The following CELF1 variants were observed in gnomAD, a reference collection of about 807,000 sequenced individuals.
CELF1 encodes 50 kDa nuclear polyadenylated RNA-binding protein.
Under a neutral mutation model 61.8 loss-of-function variants are expected in CELF1, and 10 were observed. The ratio of observed to expected loss-of-function variants is 0.16; its 90% CI spans 0.10 to 0.27. CELF1 has a LOEUF of 0.27. CELF1 is among the 10% of genes least tolerant of loss of function. The pLI is 1.00. For synonymous variants in CELF1, 236 were observed against 225.1 expected (o/e 1.05, Z -0.43); for missense variants, 380 against 639.1 (o/e 0.59, Z 4.37).
chr11:47,552,512 G>A (rs116929680), intron 1 of CELF1, among the ~76,000 whole-genome samples: 2,519 of 152,330 alleles, frequency 0.017, 36 homozygotes, highest in Middle Eastern at 0.034. Context: ...CTCGAGGCTC[G>A]GGAAAAGCGC....
chr11:47,495,867 A>AT, intron 3 of CELF1: 1 of 458,444 alleles, frequency 2.2e-6, no homozygotes, highest in Non-Finnish European at 2.9e-6. Flanking sequence ...ACCTTTCATT[A>AT]TTTTTTCACT....
At chr11:47,475,033 T>C (rs557524536) in intron 13 of CELF1, among the ~76,000 whole-genome samples, 5 of 152,278 alleles carry the variant, frequency 3.3e-5, no homozygotes, top group East Asian at 3.9e-4. Flanking sequence ...AGAGAAGACC[T>C]CCTAACAGAA....
intron 1 of CELF1, among the ~76,000 whole-genome samples, chr11:47,537,269 A>T (rs1295908312): frequency 1.6e-5 from 2 of 126,252 alleles, no homozygotes; most frequent in Non-Finnish European, 3.2e-5. Flanking sequence ...TTTTTTTGGG[A>T]CAGAGTCTCA....
chr11:47,531,017 C>A (rs1024716061), intron 1 of CELF1, among the ~76,000 whole-genome samples: 5 of 151,752 alleles, frequency 3.3e-5, no homozygotes, highest in Admixed American at 6.6e-5. Flanking sequence ...GAGGCCGAGG[C>A]GGATGGATTC....
At chr11:47,493,575 G>T (rs1020600937) in intron 3 of CELF1, among the ~76,000 whole-genome samples, 14 of 151,198 alleles carry the variant, frequency 9.3e-5, no homozygotes, top group Admixed American at 6.6e-4. Context: ...AGGACCAGGG[G>T]CAATCTTCAA....
At chr11:47,484,662 T>C (rs1437014136) in intron 6 of CELF1, 139 bp from the exon 7 acceptor site, 4 of 687,984 alleles carry the variant, frequency 5.8e-6, no homozygotes, top group Non-Finnish European at 7.1e-6. Flanking sequence ...CATTTGTTTT[T>C]TGTATTTTTC....
intron 3 of CELF1, among the ~76,000 whole-genome samples, chr11:47,490,154 G>A (rs567365349): frequency 6.6e-6 from 1 of 151,550 alleles, no homozygotes; most frequent in South Asian, 2.1e-4. Context: ...GGCCAGGCTA[G>A]TCTCGAACTG....
intron 3 of CELF1, 140 bp from the exon 4 acceptor site, chr11:47,489,164 AC>A: frequency 1.3e-6 from 1 of 742,736 alleles, no homozygotes; most frequent in Non-Finnish European, 2.0e-6. Context: ...CATTCAGTTT[AC>A]CAGAGTTCCC....
intron 6 of CELF1, among the ~76,000 whole-genome samples, chr11:47,485,213 C>A (rs918734873): frequency 6.6e-6 from 1 of 152,170 alleles, no homozygotes; most frequent in African/African-American, 2.4e-5. Flanking sequence ...ACAAGAGTCT[C>A]GCTGTCACCC....
chr11:47,472,364 G>A lies in CELF1; in HGVS notation c.1418-7C>T, dbSNP rs1250502093. ...TTGTCGTAACTTACAAAACCTGTGT[G>A]TCCAAGCAGAAACCTAGGTGAGGGA... On this transcript the variant is annotated splice_region_variant and splice_polypyrimidine_tract_variant and intron_variant, in intron 14 of 14. Coordinates refer to ENST00000687097, the MANE Select transcript of CELF1 (RefSeq NM_001376376.1). 1 of 1,613,022 alleles carries A rather than the reference G, an allele frequency of 6.2e-7. No homozygotes were observed. Among genetic ancestry groups the A allele is most frequent in the Admixed American group, 1.7e-5 (1 of 59,996 alleles).
intron 1 of CELF1, among the ~76,000 whole-genome samples, chr11:47,546,252 T>TGGGCGG (rs2096943735): frequency 7.3e-6 from 1 of 137,778 alleles, no homozygotes; most frequent in Non-Finnish European, 1.6e-5. Flanking sequence ...TTTTTTTTTT[T>TGGGCGG]TGGGCGGGGG....
Position 47,519,608 on chromosome 11 carries a change from A to G in CELF1, c.-153-18676T>C, listed in dbSNP as rs575033946. On this transcript the variant is annotated intron_variant, in intron 1 of 14. Transcript: ENST00000687097. ...TCGCCGGGCGTGGTGGCTCACGCCT[A>G]TAATCCCAGCACTTGCACTTTGGGA... Among the ~76,000 whole-genome samples the G allele has an allele frequency of 5.6e-4, 86 of 152,216 alleles. 1 individual carries two copies. The South Asian group carries it at 0.013, about 24-fold the overall frequency.
At position 47,470,524 on chromosome 11, in the gene CELF1, C is replaced by G. The variant is rs1411232897; in HGVS notation, c.*1706G>C. On this transcript the variant is annotated 3_prime_UTR_variant, in exon 15 of 15. Coordinates refer to ENST00000687097, the MANE Select transcript of CELF1 (RefSeq NM_001376376.1). ...TATGAGAAAGGAACAGCTGTCCCAG[C>G]TTCAATGGGATAATCCAACACCACC... 6.6e-6 allele frequency: 1 copy of G among 152,138 alleles called. No individual in the cohort carries two copies. The highest frequency in any genetic ancestry group is 2.4e-5 in the African/African-American group (1 of 41,428). The allele number at this position is 152,138 out of a possible 1,614,324, so 9.4% of individuals were successfully genotyped here. A position where few individuals can be genotyped will look rare whatever the true frequency, so the allele number is the denominator to read the frequency against.
intron 1 of CELF1, among the ~76,000 whole-genome samples, chr11:47,533,808 C>A (rs7126302): frequency 0.8 from 71,623 of 89,958 alleles, 27,305 homozygotes; most frequent in East Asian, 0.93. Context: ...AGACTCTCCC[C>A]CAAAAAAAAA....
rs1321532735 is a variant in CELF1 at position 47,470,696 on chromosome 11, G to C, written c.*1534C>G. On this transcript the variant is annotated 3_prime_UTR_variant, in exon 15 of 15. Coordinates refer to ENST00000687097, the MANE Select transcript of CELF1 (RefSeq NM_001376376.1). The stretch of plus-strand genomic sequence containing the variant: ...CTAGGGGTCAAGACTGGTATTTGTT[G>C]AGGTTTCAGATTCCAGAGACCCAGG... The C allele has an allele frequency of 6.6e-6, 1 of 152,160 alleles. No homozygotes were observed. Among genetic ancestry groups the C allele is most frequent in the Non-Finnish European group, 1.5e-5 (1 of 68,048 alleles). The allele number at this position is 152,160 out of a possible 1,614,324, so 9.4% of individuals were successfully genotyped here. A position where few individuals can be genotyped will look rare whatever the true frequency, so the allele number is the denominator to read the frequency against.
At chr11:47,492,273 G>T (rs374909535) in intron 3 of CELF1, among the ~76,000 whole-genome samples, 2 of 152,114 alleles carry the variant, frequency 1.3e-5, no homozygotes, top group African/African-American at 4.8e-5. Context: ...GAACTACTGC[G>T]CCTGGCCTAT....
intron 3 of CELF1, among the ~76,000 whole-genome samples, chr11:47,489,929 C>CTTTTTTTTTTTTTTTTTTTTTTT (rs1428902911): frequency 2.8e-5 from 1 of 35,354 alleles, no homozygotes; most frequent in Non-Finnish European, 5.9e-5. Context: ...CAGAACATAC[C>CTTTTTTTTTTTTTTTTTTTTTTT]ATCTTGTTTT....
At chr11:47,484,708 C>T (rs1003859100) in intron 6 of CELF1, among the ~76,000 whole-genome samples, 185 bp from the exon 7 acceptor site, 2 of 152,142 alleles carry the variant, frequency 1.3e-5, no homozygotes, top group South Asian at 2.1e-4. Flanking sequence ...GATGGAGTTT[C>T]GCTCTTGTTG....
intron 1 of CELF1, among the ~76,000 whole-genome samples, chr11:47,507,773 G>A (rs949442457): frequency 6.6e-6 from 1 of 152,114 alleles, no homozygotes; most frequent in Non-Finnish European, 1.5e-5. Context: ...CCTCCCTGAA[G>A]ACAGAGAGAT....
Sources: allele counts gnomAD v4.1 joint callset (sites outside exome capture counted in the v4.1 genomes callset), GRCh38; gene constraint gnomAD v4.1.1; transcripts MANE v1.5; gene names NCBI Gene and HGNC (gene_info 2026-07-23, HGNC 2026-07-21).